LRRTM4: variants seen among roughly 807,000 people sequenced by gnomAD.
LRRTM4 encodes leucine rich repeat transmembrane neuronal 4, also known as leucine-rich repeat transmembrane neuronal protein 4.
In LRRTM4, 25 loss-of-function variants were observed where a neutral mutation model predicts 47.6. The observed-to-expected ratio is 0.53, with a 90% confidence interval of 0.38 to 0.73. The LOEUF (loss-of-function observed/expected upper bound fraction) is 0.73. LRRTM4 is among the 30% of genes least tolerant of loss of function. The pLI, the probability that LRRTM4 is intolerant of heterozygous loss-of-function variation, is 0.00. For missense variants in LRRTM4, 638 were observed against 713.4 expected (o/e 0.89, Z 1.20); for synonymous variants, 311 against 269.5 (o/e 1.15, Z -1.51).
chr2:76,801,922 C>G (rs75103000), intron 3 of LRRTM4, among the ~76,000 whole-genome samples: 4,166 of 152,186 alleles, frequency 0.027, 191 homozygotes, highest in African/African-American at 0.082. Context: ...AATTCAACAT[C>G]TTTTCATGGT....
chr2:77,360,388 C>T lies in LRRTM4; in HGVS notation c.1551+157930G>A, dbSNP rs572834963. On this transcript the variant is annotated intron_variant, in intron 3 of 3. Transcript: ENST00000409884. ...AGGAGAATGGCGTGAACCCAGGAGG[C>T]GGAGCTTGCAGTGAGCCAAGATCAC... Among the ~76,000 whole-genome samples the T allele has an allele frequency of 3.0e-3, 450 of 152,018 alleles. 1 individual carries two copies. Among genetic ancestry groups the T allele is most frequent in the African/African-American group, 0.01 (415 of 41,432 alleles).
intron 3 of LRRTM4, among the ~76,000 whole-genome samples, chr2:77,115,866 A>G (rs566702182): frequency 8.5e-5 from 13 of 152,120 alleles, no homozygotes; most frequent in Non-Finnish European, 1.2e-4. Flanking sequence ...TGCTTTCCAT[A>G]CTAGAGATCT....
chr2:77,329,854 C>G (rs192232424), intron 3 of LRRTM4, among the ~76,000 whole-genome samples: 1 of 152,210 alleles, frequency 6.6e-6, no homozygotes, highest in Non-Finnish European at 1.5e-5. Flanking sequence ...AAAATTCTTC[C>G]AGATGGCCAA....
chr2:77,483,349 T>C (rs1294002659), intron 3 of LRRTM4, among the ~76,000 whole-genome samples: 1 of 152,054 alleles, frequency 6.6e-6, no homozygotes, highest in Non-Finnish European at 1.5e-5. Flanking sequence ...GAGGACTTTT[T>C]AGTGGTGGAG....
At chr2:76,886,214 C>A (rs72821248) in intron 3 of LRRTM4, among the ~76,000 whole-genome samples, 9,475 of 152,168 alleles carry the variant, frequency 0.062, 666 homozygotes, top group African/African-American at 0.17. Context: ...ATGAAGGGTA[C>A]CTATCTCAAA....
At chr2:77,151,057 G>C (rs1672405105) in intron 3 of LRRTM4, among the ~76,000 whole-genome samples, 1 of 152,096 alleles carries the variant, frequency 6.6e-6, no homozygotes, top group Non-Finnish European at 1.5e-5. Context: ...GTTTGGACAT[G>C]TGCAAATACC....
chr2:76,932,290 C>A (rs1314487534), intron 3 of LRRTM4, among the ~76,000 whole-genome samples: 1 of 152,036 alleles, frequency 6.6e-6, no homozygotes, highest in Non-Finnish European at 1.5e-5. Context: ...CAGGTTCTAC[C>A]ATTATTTGAG....
intron 3 of LRRTM4, among the ~76,000 whole-genome samples, chr2:77,347,930 C>G (rs1025192674): frequency 6.6e-6 from 1 of 151,082 alleles, no homozygotes. Flanking sequence ...ATGCTTGAAC[C>G]GTGTCATATT....
chr2:76,807,457 T>TATATATATATATAC (rs1553412656), intron 3 of LRRTM4, among the ~76,000 whole-genome samples: 3 of 94,212 alleles, frequency 3.2e-5, no homozygotes, highest in Non-Finnish European at 6.0e-5. Context: ...TATATATATA[T>TATATATATATATAC]ACATATATAT....
At chr2:76,803,460 G>T (rs11126568) in intron 3 of LRRTM4, among the ~76,000 whole-genome samples, 4,573 of 152,212 alleles carry the variant, frequency 0.03, 222 homozygotes, top group African/African-American at 0.091. Flanking sequence ...TTTTGGCGAG[G>T]TTGTGGAGAA....
At chr2:77,210,287 T>G (rs1479851718) in intron 3 of LRRTM4, among the ~76,000 whole-genome samples, 1 of 152,180 alleles carries the variant, frequency 6.6e-6, no homozygotes, top group Non-Finnish European at 1.5e-5. Context: ...TTCCTGCCTT[T>G]TCTAGAAACT....
intron 3 of LRRTM4, among the ~76,000 whole-genome samples, chr2:77,217,376 TTTAATTATATTAA>T (rs1281248777): frequency 8.8e-6 from 1 of 113,854 alleles, no homozygotes; most frequent in South Asian, 2.8e-4. Context: ...AATTTATTAA[TTTAATTATATTAA>T]TTAATTATAT....
intron 3 of LRRTM4, among the ~76,000 whole-genome samples, chr2:76,946,311 G>A (rs376790825): frequency 9.9e-5 from 15 of 151,972 alleles, no homozygotes; most frequent in Admixed American, 5.9e-4. Context: ...CAGTGTATAC[G>A]TGTGTAGAGG....
chr2:76,904,658 C>T (rs866296974), intron 3 of LRRTM4, among the ~76,000 whole-genome samples: 4 of 152,058 alleles, frequency 2.6e-5, no homozygotes, highest in African/African-American at 9.7e-5. Flanking sequence ...GTTTTAGAAG[C>T]GTGTTGGCAC....
chr2:77,053,264 T>G (rs1679498447), intron 3 of LRRTM4, among the ~76,000 whole-genome samples: 1 of 152,148 alleles, frequency 6.6e-6, no homozygotes, highest in Admixed American at 6.6e-5. Context: ...TGCAAATACT[T>G]AAATCCAAAT....
At chr2:76,843,119 A>T (rs971660840) in intron 3 of LRRTM4, among the ~76,000 whole-genome samples, 12 of 152,114 alleles carry the variant, frequency 7.9e-5, no homozygotes, top group Non-Finnish European at 1.0e-4. Flanking sequence ...AGTGACAAAC[A>T]GTTGATAGCC....
intron 3 of LRRTM4, among the ~76,000 whole-genome samples, chr2:76,803,189 A>G (rs11126566): frequency 0.16 from 23,895 of 152,110 alleles, 2,023 homozygotes; most frequent in African/African-American, 0.2. Flanking sequence ...GTATTTGCAA[A>G]CCACTTATAT....
chr2:76,873,533 T>TATATATATAC (rs1174673622), intron 3 of LRRTM4, among the ~76,000 whole-genome samples: 56 of 145,190 alleles, frequency 3.9e-4, no homozygotes, highest in Middle Eastern at 7.1e-3. Flanking sequence ...TATATATATA[T>TATATATATAC]ACAACATAGT....
chr2:76,990,486 G>C (rs770208990), intron 3 of LRRTM4, among the ~76,000 whole-genome samples: 5 of 151,650 alleles, frequency 3.3e-5, no homozygotes, highest in Non-Finnish European at 7.4e-5. Flanking sequence ...ACAAGAAAGA[G>C]CAGGGGTCAC....
Sources: gnomAD v4.1 joint callset for allele counts (sites outside exome capture counted in the v4.1 genomes callset) on GRCh38, gnomAD v4.1.1 for gene constraint, MANE v1.5 for transcripts, NCBI Gene and HGNC (gene_info 2026-07-23, HGNC 2026-07-21) for gene names.